Variants in ZNF219 observed in about 807,000 individuals in gnomAD.
ZNF219 encodes the protein zinc finger protein 219.
Under a neutral mutation model 54.4 loss-of-function variants are expected in ZNF219, and 17 were observed. The ratio of observed to expected loss-of-function variants is 0.31; its 90% CI spans 0.21 to 0.47. ZNF219 has a LOEUF of 0.47. Among genes scored for constraint, ZNF219 ranks in the 20% least tolerant of loss-of-function variants. The pLI is 1.00. For synonymous variants in ZNF219, 518 were observed against 476.4 expected (o/e 1.09, Z -1.14); for missense variants, 1,014 against 1,062.3 (o/e 0.95, Z 0.63).
rs1888828570 is a variant in ZNF219 at position 21,091,105 on chromosome 14, C to T, written c.1600G>A (p.Ala534Thr). 1.9e-6 allele frequency: 3 copies of T among 1,584,570 alleles called. No individual in the cohort carries two copies. The highest frequency in any genetic ancestry group is 2.6e-6 in the Non-Finnish European group (3 of 1,169,318). The change falls in exon 5 of 5, where the codon GCG becomes ACG. Residue 534 changes from alanine to threonine, a missense_variant. By Grantham distance (58) the Ala-to-Thr change is moderately conservative (BLOSUM62 0). Transcript: ENST00000360947. ...TTGAGCGAGCCGGACTGGGTGCCCG[C>T]GTAGTCGCAGTGCGGACACTTGTAG... The part of the protein sequence containing the change: ...RPYKCPHCDY[A>T]GTQSGSLKYH...
upstream of ZNF219, chr14:21,103,839 C>G (rs1255466548): frequency 6.5e-6 from 1 of 154,834 alleles, no homozygotes. Context: ...GCGGGCGGTC[C>G]TGCACTGGCG....
chr14:21,103,475 C>A, upstream of ZNF219: 1 of 671,494 alleles, frequency 1.5e-6, no homozygotes, highest in Non-Finnish European at 2.4e-6. Context: ...CATCCATATC[C>A]TCTCTTCCTG....
In ZNF219 at chr14:21,091,553, T is replaced by C. The variant is rs376166970; in HGVS notation, c.1433-11A>G. 3.8e-6 allele frequency: 6 copies of C among 1,589,562 alleles called. No individual in the cohort carries two copies. In the Admixed American group the frequency reaches 6.7e-5, roughly 18 times the overall value. On this transcript the variant is annotated splice_polypyrimidine_tract_variant and intron_variant, in intron 3 of 4. Coordinates refer to ENST00000360947, the MANE Select transcript of ZNF219 (RefSeq NM_016423.3). ...ACAGCCCATTCTCTTCTGCAACACA[T>C]ACGTTAAGAGGAAGTCAGGGGGGCC...
chr14:21,102,458 G>C (rs1201255069), upstream of ZNF219: 2 of 1,549,818 alleles, frequency 1.3e-6, no homozygotes, highest in Admixed American at 2.0e-5. Context: ...GTTTCATAGT[G>C]GTGGTGGTCG....
rs779245310 is a variant in ZNF219 at position 21,090,877 on chromosome 14, C to T, written c.1828G>A (p.Ala610Thr). 27 of 1,551,252 alleles carry T rather than the reference C, an allele frequency of 1.7e-5. No individual in the cohort carries two copies. The highest frequency in any genetic ancestry group is 2.3e-5 in the Non-Finnish European group (26 of 1,149,972). The change falls in exon 5 of 5, where the codon GCC becomes ACC. Residue 610 changes from alanine (A) to threonine (T), a missense_variant. Transcript: ENST00000360947. The surrounding 1 kb of genome is among the most constrained non-coding windows in gnomAD (Gnocchi z 4.4). ...TTGCGCAGGGTCCTCCCAGGGCTGG[C>T]GGGCTTCCGACGGGACCCCGGCCCA... ...GAGPGSRRKP[A>T]SPGRTLRNGR...
chr14:21,092,602 GGCTGA>G lies in ZNF219; in HGVS notation c.690_694del (p.Gln231SerfsTer23), dbSNP rs1461268656. The G allele has an allele frequency of 4.5e-6, 7 of 1,547,264 alleles. No individual in the cohort carries two copies. The Admixed American group carries it at 1.4e-4, about 30-fold the overall frequency. On this transcript the variant is annotated frameshift_variant, in exon 3 of 5. Transcript: ENST00000360947. LOFTEE classifies it high-confidence loss of function. ...GGGTTCGGGCTGGGGTGGAGGCTGA[GGCTGA>G]GGCTGAGGCGGAGGCGCAGCGGAGG...
At position 21,093,615 on chromosome 14, in the gene ZNF219, T is replaced by C; in HGVS notation, c.-24A>G. ...ATGGACCCCCTTCACATTCTTTGGT[T>C]CTGGGAAGTGCAGGGAAGAGGAGGA... On this transcript the variant is annotated 5_prime_UTR_variant, in exon 2 of 5. Coordinates refer to ENST00000360947, the MANE Select transcript of ZNF219 (RefSeq NM_016423.3). 1 of 1,614,144 alleles carries C rather than the reference T, an allele frequency of 6.2e-7. No homozygotes were observed. Among genetic ancestry groups the C allele is most frequent in the Non-Finnish European group, 8.5e-7 (1 of 1,179,992 alleles).
At position 21,098,443 on chromosome 14, in the gene ZNF219, G is replaced by C. The variant is rs1889434980; in HGVS notation, c.-215C>G. On this transcript the variant is annotated 5_prime_UTR_variant, in exon 1 of 5. Transcript: ENST00000360947. The stretch of plus-strand genomic sequence containing the variant: ...CCGGGCCCCGGCCCCCCCGCCCCCG[G>C]CCCGGCCCCCGCCCCCTCCCCGGTC... The C allele has an allele frequency of 5.3e-6, 4 of 748,592 alleles. No individual in the cohort carries two copies. The highest frequency in any genetic ancestry group is 2.0e-5 in the African/African-American group (1 of 51,270). The allele number at this position is 748,592 out of a possible 1,614,324, so 46.4% of individuals were successfully genotyped here. A position where few individuals can be genotyped will look rare whatever the true frequency, so the allele number is the denominator to read the frequency against.
rs1370636447 is a variant in ZNF219 at position 21,093,269 on chromosome 14, T to G, written c.28A>C (p.Ser10Arg). Residue 10 changes from serine to arginine, a missense_variant, in exon 3 of 5, where the codon AGC becomes CGC. Ser to Arg is a moderately radical substitution (Grantham distance 110). This residue lies in a region of ZNF219 where 395 missense variants were observed against 415.1 expected (regional missense o/e 0.95). Coordinates refer to ENST00000360947, the MANE Select transcript of ZNF219 (RefSeq NM_016423.3). ...GGCGGCGACGGCGCTAAGTGGCCGCTCGGGGCGCGGGGACGTGAGCCCTGT... is the reference window on the plus strand; with the variant it reads ...GGCGGCGACGGCGCTAAGTGGCCGCGCGGGGCGCGGGGACGTGAGCCCTGT... MEGSRPRAP[S>R]GHLAPSPPAF... The G allele has an allele frequency of 1.3e-6, 2 of 1,591,452 alleles. No homozygotes were observed. Among genetic ancestry groups the G allele is most frequent in the Non-Finnish European group, 1.7e-6 (2 of 1,176,056 alleles).
chr14:21,094,728 G>GC (rs1555341881), intron 1 of ZNF219, among the ~76,000 whole-genome samples: 3 of 91,980 alleles, frequency 3.3e-5, no homozygotes, highest in African/African-American at 8.2e-5. Context: ...ATAGGGGTTG[G>GC]GGGGGGGGGC....
At chr14:21,100,296 G>C (rs1208223617), upstream of ZNF219, among the ~76,000 whole-genome samples, 1 of 152,094 alleles carries the variant, frequency 6.6e-6, no homozygotes. Flanking sequence ...TGCCCAGAAG[G>C]TGTTGGCTAC....
rs1418892302 is a variant in ZNF219 at position 21,092,525 on chromosome 14, G to A, written c.772C>T (p.Pro258Ser). The A allele has an allele frequency of 5.2e-6, 8 of 1,549,788 alleles. No homozygotes were observed. In the South Asian group the frequency reaches 7.1e-5, roughly 14 times the overall value. ...TCGGGAGCGGCAGGAGCTGGGGTCG[G>A]GGTTGCCTCACGTTCGGGCTCCGGC... ...PEPEPEREAT[P>S]TPAPAAPEEP... Residue 258 changes from proline (P) to serine (S), a missense_variant, in exon 3 of 5, where the codon CCG becomes TCG. Coordinates refer to ENST00000360947, the MANE Select transcript of ZNF219 (RefSeq NM_016423.3).
In ZNF219 at chr14:21,091,852, G is replaced by A. The variant is rs1888912396; in HGVS notation, c.1432+13C>T. 2 of 1,506,702 alleles carry A rather than the reference G, an allele frequency of 1.3e-6. No individual in the cohort carries two copies. The highest frequency in any genetic ancestry group is 1.4e-5 in the African/African-American group (1 of 71,176). 93.3% of individuals were successfully genotyped at this position (1,506,702 alleles called of 1,614,324 possible). ...GACGCGGCGTACCCGGAGAGCGGAG[G>A]GTACCTACATACCCTGCGTGGCGGT... On this transcript the variant is annotated intron_variant, in intron 3 of 4. Coordinates refer to ENST00000360947, the MANE Select transcript of ZNF219 (RefSeq NM_016423.3).
chr14:21,103,230 A>C, upstream of ZNF219: 1 of 1,551,674 alleles, frequency 6.4e-7, no homozygotes, highest in Non-Finnish European at 8.7e-7. Context: ...CAGCGGGAAC[A>C]GACACGTGCT....
upstream of ZNF219, chr14:21,101,576 A>G (rs1360964818): frequency 1.1e-6 from 1 of 891,930 alleles, no homozygotes; most frequent in African/African-American, 1.7e-5. Flanking sequence ...TAGGTTCTGA[A>G]TGGGAGGAGG....
chr14:21,095,640 G>A (rs1302318485), intron 1 of ZNF219, among the ~76,000 whole-genome samples: 3 of 152,190 alleles, frequency 2.0e-5, no homozygotes, highest in African/African-American at 7.2e-5. Flanking sequence ...TACCACAGAA[G>A]CCACTTGGGC....
chr14:21,090,680 G>A lies in ZNF219; in HGVS notation c.2025C>T (p.Gly675=), dbSNP rs1888769076. 2.5e-6 allele frequency: 4 copies of A among 1,611,728 alleles called. No homozygotes were observed. Among genetic ancestry groups the A allele is most frequent in the African/African-American group, 2.7e-5 (2 of 74,942 alleles). ...ACGCGTCAGCCTGGGGTGGCCGGCG[G>A]CCCCTAGCCCGGCGGCTGTGGTGCA... The part of the protein sequence containing the change: ...LQVHHSRRAR[G]RRPPQADASP... Residue 675 remains glycine, a synonymous_variant, in exon 5 of 5, where the codon GGC becomes GGT. Coordinates refer to ENST00000360947, the MANE Select transcript of ZNF219 (RefSeq NM_016423.3). The surrounding 1 kb of genome is among the most constrained non-coding windows in gnomAD (Gnocchi z 4.4).
chr14:21,091,966 C>G lies in ZNF219; in HGVS notation c.1331G>C (p.Arg444Thr), dbSNP rs760038740. 1.5e-5 allele frequency: 24 copies of G among 1,580,240 alleles called. No homozygotes were observed. In the South Asian group the frequency reaches 2.1e-4, roughly 14 times the overall value. The change falls in exon 3 of 5, where the codon AGG becomes ACG. Residue 444 changes from arginine to threonine, a missense_variant. This residue lies in a region of ZNF219 where 272 missense variants were observed against 248.9 expected (regional missense o/e 1.09). Transcript: ENST00000360947. Reference sequence around the variant, plus strand: ...CAGGGAAGCCAGAGAGCCCAGCGACCTGCCCCGGGCCCAGGTTTCCTCCTC... The same window carrying G: ...CAGGGAAGCCAGAGAGCCCAGCGACGTGCCCCGGGCCCAGGTTTCCTCCTC... ...EAEEETWARG[R>T]SLGSLASLHP...
chr14:21,103,266 C>T (rs140414254), upstream of ZNF219: 2 of 1,550,266 alleles, frequency 1.3e-6, no homozygotes, highest in African/African-American at 1.4e-5. Context: ...TGAGAGAATG[C>T]TCTCCAGACA....
Sources: allele counts gnomAD v4.1 joint callset (sites outside exome capture counted in the v4.1 genomes callset), GRCh38; gene constraint gnomAD v4.1.1; regional missense constraint gnomAD v4.1.1; non-coding constraint Gnocchi (gnomAD v3.1); transcripts MANE v1.5; gene names NCBI Gene and HGNC (gene_info 2026-07-23, HGNC 2026-07-21).